Variants in TYW1 observed in about 807,000 individuals in gnomAD.
TYW1 encodes the protein tRNA-yW synthesizing protein 1 homolog, also known as S-adenosyl-L-methionine-dependent tRNA 4-demethylwyosine synthase TYW1.
In TYW1, 46 loss-of-function variants were observed where a neutral mutation model predicts 96.2. The ratio of observed to expected loss-of-function variants is 0.48; its 90% CI spans 0.38 to 0.61. The LOEUF (loss-of-function observed/expected upper bound fraction) is 0.61, where lower values mean the gene tolerates loss of function less well. Among genes scored for constraint, TYW1 ranks in the 20% least tolerant of loss-of-function variants. The pLI is 0.00. For missense variants in TYW1, 684 were observed against 909.6 expected, an observed-to-expected ratio of 0.75 and a Z score of 3.19; for synonymous variants, 274 against 323.0, an observed-to-expected ratio of 0.85 and a Z score of 1.63.
intron 13 of TYW1, among the ~76,000 whole-genome samples, chr7:67,178,717 C>T (rs1297491287): frequency 1.3e-5 from 2 of 151,914 alleles, no homozygotes; most frequent in East Asian, 3.9e-4. Flanking sequence ...AAATTCCAAA[C>T]ACAGGCAAAA....
chr7:67,215,693 G>A (rs1464373363), intron 15 of TYW1, among the ~76,000 whole-genome samples: 4 of 151,812 alleles, frequency 2.6e-5, no homozygotes, highest in South Asian at 2.1e-4. Context: ...TAACTTACAC[G>A]ATCACAAGGT....
intron 9 of TYW1, among the ~76,000 whole-genome samples, chr7:67,065,963 T>C (rs1409690028): frequency 1.3e-5 from 2 of 150,674 alleles, no homozygotes; most frequent in African/African-American, 4.9e-5. Flanking sequence ...TGAGTTGAGA[T>C]CACACTACTG....
chr7:67,156,857 G>A (rs1391088577), intron 13 of TYW1, among the ~76,000 whole-genome samples: 1 of 151,394 alleles, frequency 6.6e-6, no homozygotes, highest in South Asian at 2.1e-4. Context: ...GTGGATTCCA[G>A]AAAGCCTCCT....
At chr7:67,090,713 T>C (rs2115814750) in intron 11 of TYW1, among the ~76,000 whole-genome samples, 1 of 152,350 alleles carries the variant, frequency 6.6e-6, no homozygotes, top group East Asian at 1.9e-4. Context: ...TGTGTGTGTG[T>C]GTGAGTGTCA....
At chr7:67,178,744 A>G (rs1389678936) in intron 13 of TYW1, among the ~76,000 whole-genome samples, 1 of 151,950 alleles carries the variant, frequency 6.6e-6, no homozygotes, top group East Asian at 1.9e-4. Context: ...CTATTATGTT[A>G]AAGTCAGGAT....
At chr7:67,026,292 C>A (rs546192860) in intron 7 of TYW1, among the ~76,000 whole-genome samples, 1 of 152,082 alleles carries the variant, frequency 6.6e-6, no homozygotes, top group East Asian at 1.9e-4. Flanking sequence ...AGGCTGGTCT[C>A]GAACTCCTGA....
intron 14 of TYW1, among the ~76,000 whole-genome samples, chr7:67,189,479 G>A (rs574891991): frequency 6.6e-5 from 10 of 152,138 alleles, no homozygotes; most frequent in African/African-American, 1.2e-4. Context: ...GTGTCTGTCC[G>A]TGTGTGCGTG....
intron 4 of TYW1, among the ~76,000 whole-genome samples, chr7:67,013,893 G>A (rs532954927): frequency 9.3e-4 from 141 of 151,660 alleles, no homozygotes; most frequent in Admixed American, 2.1e-3. Flanking sequence ...ACAGGCACCC[G>A]CCACCACGCC....
intron 10 of TYW1, among the ~76,000 whole-genome samples, chr7:67,073,632 G>A (rs1796106176): frequency 6.6e-6 from 1 of 151,644 alleles, no homozygotes; most frequent in Admixed American, 6.6e-5. Context: ...AAATTAGCTG[G>A]GCGTGGTGGC....
intron 15 of TYW1, among the ~76,000 whole-genome samples, chr7:67,201,050 G>A (rs1482493042): frequency 6.6e-6 from 1 of 152,062 alleles, no homozygotes; most frequent in Non-Finnish European, 1.5e-5. Flanking sequence ...AGGGCATGGG[G>A]AGGCACTGAA....
In TYW1 at chr7:66,996,844, A is replaced by C; in HGVS notation, c.-135A>C. ...CAATCAGGACCGGCCTGGCAGTGTCATGGCTGCCCACAGGTCTGCAGGCAC... is the reference window on the plus strand; with the variant it reads ...CAATCAGGACCGGCCTGGCAGTGTCCTGGCTGCCCACAGGTCTGCAGGCAC... On this transcript the variant is annotated 5_prime_UTR_variant, in exon 1 of 16. An upstream start codon of the reference 5' UTR is lost. Coordinates refer to ENST00000359626, the MANE Select transcript of TYW1 (RefSeq NM_018264.4). 1.3e-6 allele frequency: 2 copies of C among 1,511,238 alleles called. No homozygotes were observed. Among genetic ancestry groups the C allele is most frequent in the Non-Finnish European group, 1.8e-6 (2 of 1,108,758 alleles). 93.6% of individuals were successfully genotyped at this position (1,511,238 alleles called of 1,614,324 possible).
At chr7:67,078,284 A>T (rs1397857198) in intron 10 of TYW1, among the ~76,000 whole-genome samples, 1 of 151,410 alleles carries the variant, frequency 6.6e-6, no homozygotes, top group African/African-American at 2.4e-5. Context: ...TTTAGTAGAG[A>T]TGGGGTTTCA....
chr7:67,184,869 G>GTA (rs1799973591), intron 14 of TYW1, among the ~76,000 whole-genome samples: 1 of 151,412 alleles, frequency 6.6e-6, no homozygotes, highest in African/African-American at 2.4e-5. Context: ...TACCGCACCT[G>GTA]GCTAATTTTT....
intron 10 of TYW1, among the ~76,000 whole-genome samples, chr7:67,070,914 G>A (rs193142351): frequency 5.3e-5 from 8 of 152,128 alleles, no homozygotes; most frequent in East Asian, 1.9e-4. Context: ...GGCAGCTCAC[G>A]AGATCAGGAG....
intron 13 of TYW1, among the ~76,000 whole-genome samples, chr7:67,119,032 C>A (rs1280132095): frequency 6.6e-6 from 1 of 152,004 alleles, no homozygotes; most frequent in African/African-American, 2.4e-5. Flanking sequence ...AAACATTTGG[C>A]CTTTCTTGTG....
At chr7:67,199,351 C>T (rs1800513499) in intron 15 of TYW1, among the ~76,000 whole-genome samples, 1 of 152,324 alleles carries the variant, frequency 6.6e-6, no homozygotes. Flanking sequence ...GTGTCCACAT[C>T]TCCCTCGTTA....
chr7:67,028,740 A>G (rs1290660838), intron 7 of TYW1, among the ~76,000 whole-genome samples: 1 of 152,138 alleles, frequency 6.6e-6, no homozygotes, highest in Admixed American at 6.6e-5. Context: ...AAAATCACAT[A>G]TGCATTTATC....
At chr7:67,005,202 T>G (rs1793530570) in intron 3 of TYW1, among the ~76,000 whole-genome samples, 1 of 152,234 alleles carries the variant, frequency 6.6e-6, no homozygotes, top group Admixed American at 6.5e-5. Flanking sequence ...TAACATTTTT[T>G]CTTTCATTTC....
chr7:67,131,749 T>G (rs1798079853), intron 13 of TYW1, among the ~76,000 whole-genome samples: 1 of 152,116 alleles, frequency 6.6e-6, no homozygotes, highest in South Asian at 2.1e-4. Flanking sequence ...ACCTCAGAAG[T>G]AGGGAAGCTG....
Sources: gnomAD v4.1 joint callset for allele counts (sites outside exome capture counted in the v4.1 genomes callset) on GRCh38, gnomAD v4.1.1 for gene constraint, MANE v1.5 for transcripts, NCBI Gene and HGNC (gene_info 2026-07-23, HGNC 2026-07-21) for gene names.